The following NAALADL2 variants were observed in gnomAD, a reference collection of about 807,000 sequenced individuals.
The protein encoded by NAALADL2 is N-acetylated alpha-linked acidic dipeptidase like 2.
Under a neutral mutation model 87.2 loss-of-function variants are expected in NAALADL2, and 76 were observed. That is an observed-to-expected ratio of 0.87 (90% CI 0.72 to 1.05). The LOEUF (loss-of-function observed/expected upper bound fraction) is 1.05. Ranked by LOEUF, NAALADL2 falls within the 50% of genes least tolerant of loss-of-function variation. The pLI is 0.00. For synonymous variants in NAALADL2, 354 were observed against 331.0 expected, an observed-to-expected ratio of 1.07 and a Z score of -0.75; for missense variants, 1,089 against 945.8, an observed-to-expected ratio of 1.15 and a Z score of -1.99.
intron 2 of NAALADL2, among the ~76,000 whole-genome samples, chr3:174,675,020 A>G (rs1167936176): frequency 1.3e-5 from 2 of 152,082 alleles, no homozygotes; most frequent in Admixed American, 6.6e-5. Context: ...ACTAGTTTTC[A>G]AGATGTGATG....
At position 175,689,980 on chromosome 3, in the gene NAALADL2, T is replaced by C. The variant is rs528864308; in HGVS notation, c.1897-47326T>C. The stretch of plus-strand genomic sequence containing the variant: ...ACATTATTAAGCAAATATACTGAAA[T>C]GCCCTTCAGAAAACCACGGAGCTTT... On this transcript the variant is annotated intron_variant, in intron 11 of 13. Transcript: ENST00000454872. Among the ~76,000 whole-genome samples the C allele has an allele frequency of 2.2e-4, 34 of 152,208 alleles. No individual in the cohort carries two copies. In the South Asian group the frequency reaches 6.4e-3, roughly 29 times the overall value.
intron 1 of NAALADL2, among the ~76,000 whole-genome samples, chr3:174,454,801 A>G (rs189748400): frequency 6.6e-6 from 1 of 152,170 alleles, no homozygotes; most frequent in Admixed American, 6.6e-5. Flanking sequence ...CAATTTAACA[A>G]CCTAACATCA....
At chr3:174,689,526 TG>T (rs1728366268) in intron 2 of NAALADL2, among the ~76,000 whole-genome samples, 1 of 152,070 alleles carries the variant, frequency 6.6e-6, no homozygotes, top group Non-Finnish European at 1.5e-5. Flanking sequence ...ATCAGCAGTA[TG>T]AACATCACCG....
At chr3:174,552,209 T>A (rs1712209214) in intron 2 of NAALADL2, among the ~76,000 whole-genome samples, 1 of 152,174 alleles carries the variant, frequency 6.6e-6, no homozygotes, top group African/African-American at 2.4e-5. Context: ...ACGTATATAA[T>A]CTTTCCGAAA....
At chr3:175,566,045 G>C (rs56720844) in intron 9 of NAALADL2, among the ~76,000 whole-genome samples, 1,820 of 152,094 alleles carry the variant, frequency 0.012, 37 homozygotes, top group African/African-American at 0.041. Flanking sequence ...GGCCAGGCTG[G>C]TCTTGAACCC....
intron 5 of NAALADL2, among the ~76,000 whole-genome samples, chr3:175,420,304 AT>A (rs377662357): frequency 6.6e-5 from 10 of 152,146 alleles, no homozygotes; most frequent in African/African-American, 2.4e-4. Flanking sequence ...TGAGAGAAGA[AT>A]TGGTTGGATG....
intron 2 of NAALADL2, among the ~76,000 whole-genome samples, chr3:174,598,901 A>G (rs1454462929): frequency 1.3e-5 from 2 of 152,046 alleles, no homozygotes; most frequent in Non-Finnish European, 2.9e-5. Context: ...TGGATATACC[A>G]TTGTCATACG....
chr3:175,613,109 G>A (rs933588532), intron 10 of NAALADL2, among the ~76,000 whole-genome samples: 1 of 152,100 alleles, frequency 6.6e-6, no homozygotes, highest in African/African-American at 2.4e-5. Flanking sequence ...AGATGACTGG[G>A]TGTTAAATAG....
At position 174,770,668 on chromosome 3, in the gene NAALADL2, G is replaced by A. The variant is rs924624020; in HGVS notation, c.-9+32922G>A. Among the ~76,000 whole-genome samples the A allele has an allele frequency of 4.6e-5, 7 of 151,978 alleles. No individual in the cohort carries two copies. The East Asian group carries it at 7.8e-4, about 17-fold the overall frequency. ...ATCCTGGCTAACACGGTGAAAACCC[G>A]TCTCTACTAAATGTACAAAAAATTA... On this transcript the variant is annotated intron_variant, in intron 3 of 3. Transcript: ENST00000434257.
intron 1 of NAALADL2, among the ~76,000 whole-genome samples, chr3:174,963,810 T>C (rs1742473334): frequency 6.6e-6 from 1 of 152,160 alleles, no homozygotes; most frequent in Non-Finnish European, 1.5e-5. Context: ...ATATAGATAC[T>C]GTTAAGGACT....
At chr3:175,802,968 T>C in intron 13 of NAALADL2, 37 bp from the exon 14 acceptor site, 3 of 1,364,286 alleles carry the variant, frequency 2.2e-6, no homozygotes, top group Non-Finnish European at 3.1e-6. Flanking sequence ...AATAGCATTG[T>C]GCATGAAACA....
intron 3 of NAALADL2, among the ~76,000 whole-genome samples, chr3:174,851,349 A>G (rs1725225543): frequency 6.9e-6 from 1 of 144,544 alleles, no homozygotes; most frequent in African/African-American, 2.5e-5. Flanking sequence ...AAGTGAAAAA[A>G]TTTCAGCCAG....
chr3:174,726,072 A>G (rs1007846575), intron 2 of NAALADL2, among the ~76,000 whole-genome samples: 1 of 152,104 alleles, frequency 6.6e-6, no homozygotes, highest in Non-Finnish European at 1.5e-5. Flanking sequence ...CCACATTGAA[A>G]CTACTCCCAT....
chr3:174,680,062 A>G (rs921904945), intron 2 of NAALADL2, among the ~76,000 whole-genome samples: 1 of 150,542 alleles, frequency 6.6e-6, no homozygotes, highest in Non-Finnish European at 1.5e-5. Flanking sequence ...TTTGACACAC[A>G]CTAGAAACTT....
chr3:175,227,346 G>C (rs1744303709), intron 2 of NAALADL2, among the ~76,000 whole-genome samples: 1 of 151,852 alleles, frequency 6.6e-6, no homozygotes, highest in Non-Finnish European at 1.5e-5. Context: ...ATTGGCCAAT[G>C]GAACATTAAT....
chr3:174,963,687 T>C (rs1228182553), intron 1 of NAALADL2, among the ~76,000 whole-genome samples: 1 of 152,150 alleles, frequency 6.6e-6, no homozygotes, highest in African/African-American at 2.4e-5. Flanking sequence ...GATATCACTG[T>C]GTATGTGTAG....
chr3:175,699,452 C>G (rs1212667229), intron 11 of NAALADL2, among the ~76,000 whole-genome samples: 1 of 151,908 alleles, frequency 6.6e-6, no homozygotes, highest in Non-Finnish European at 1.5e-5. Context: ...TGATGTTTCT[C>G]AAGGAGGAAT....
intron 2 of NAALADL2, among the ~76,000 whole-genome samples, chr3:175,108,411 A>C (rs1034511211): frequency 6.6e-6 from 1 of 152,026 alleles, no homozygotes; most frequent in Non-Finnish European, 1.5e-5. Context: ...TCATAGAACA[A>C]GAAACAAAAG....
At chr3:175,588,076 A>C (rs78836969) in intron 10 of NAALADL2, among the ~76,000 whole-genome samples, 3,786 of 148,816 alleles carry the variant, frequency 0.025, 162 homozygotes, top group African/African-American at 0.085. Context: ...TAACTTTGAA[A>C]AACCTTGGGG....
Sources: gnomAD v4.1 joint callset for allele counts (sites outside exome capture counted in the v4.1 genomes callset) on GRCh38, gnomAD v4.1.1 for gene constraint, MANE v1.5 for transcripts, NCBI Gene and HGNC (gene_info 2026-07-23, HGNC 2026-07-21) for gene names.